The following PHF20L1 variants were observed in gnomAD, a reference collection of about 807,000 sequenced individuals.
The protein encoded by PHF20L1 is PHD finger protein 20 like 1, also known as PHD finger protein 20-like protein 1.
A neutral mutation model predicts 125.5 loss-of-function variants in PHF20L1; 44 were observed. The ratio of observed to expected loss-of-function variants is 0.35; its 90% CI spans 0.28 to 0.45. The LOEUF (loss-of-function observed/expected upper bound fraction) is 0.45, where lower values mean the gene tolerates loss of function less well. PHF20L1 is among the 20% of genes least tolerant of loss of function. The pLI is 1.00. For missense variants in PHF20L1, 1,012 were observed against 1,217.2 expected (o/e 0.83, Z 2.51); for synonymous variants, 380 against 403.1 (o/e 0.94, Z 0.69).
chr8:132,791,523 G>C (rs1199329769), intron 2 of PHF20L1, among the ~76,000 whole-genome samples: 1 of 152,066 alleles, frequency 6.6e-6, no homozygotes, highest in Non-Finnish European at 1.5e-5. Flanking sequence ...AAAGTGCTGG[G>C]ATTACAGGCA....
At chr8:132,805,224 T>C (rs1267770421) in intron 8 of PHF20L1, among the ~76,000 whole-genome samples, 3 of 152,024 alleles carry the variant, frequency 2.0e-5, no homozygotes, top group Admixed American at 6.6e-5. Flanking sequence ...AAAGTATTTC[T>C]ATAAGTTTTT....
intron 9 of PHF20L1, chr8:132,812,248 A>G (rs926419226): frequency 1.7e-5 from 17 of 983,124 alleles, no homozygotes; most frequent in East Asian, 1.1e-4. Flanking sequence ...TATTTTCACC[A>G]CTGTTTATGG....
At chr8:132,825,235 T>A (rs773069192) in intron 13 of PHF20L1, 29 bp from the exon 14 acceptor site, 1 of 1,592,776 alleles carries the variant, frequency 6.3e-7, no homozygotes, top group Non-Finnish European at 8.6e-7. Context: ...TCAGTCGTGA[T>A]TGCTAAAGTA....
intron 8 of PHF20L1, among the ~76,000 whole-genome samples, chr8:132,806,150 C>T (rs1315172647): frequency 6.6e-6 from 1 of 151,984 alleles, no homozygotes; most frequent in Non-Finnish European, 1.5e-5. Flanking sequence ...AGCTTTCCAG[C>T]ATCATGCTTT....
chr8:132,814,354 T>C (rs1834731561), intron 9 of PHF20L1, among the ~76,000 whole-genome samples: 1 of 151,942 alleles, frequency 6.6e-6, no homozygotes, highest in Non-Finnish European at 1.5e-5. Flanking sequence ...ACTGAAAATA[T>C]TTGTCCAGTA....
chr8:132,811,149 AT>A, intron 9 of PHF20L1, 21 bp downstream of exon 9: 1 of 1,611,592 alleles, frequency 6.2e-7, no homozygotes, highest in Non-Finnish European at 8.5e-7. Flanking sequence ...GTAGCATTTG[AT>A]TTTTTTCAAG....
At chr8:132,794,881 A>T in intron 4 of PHF20L1, 64 bp downstream of exon 4, 1 of 1,022,846 alleles carries the variant, frequency 9.8e-7, no homozygotes, top group Middle Eastern at 2.3e-4. Flanking sequence ...CTGTATTTTA[A>T]ATTTTAATTA....
rs1838546836 is a variant in PHF20L1 at position 132,848,144 on chromosome 8, T to C, written c.*2221T>C. The C allele has an allele frequency of 6.6e-6, 1 of 152,122 alleles. No individual in the cohort carries two copies. The highest frequency in any genetic ancestry group is 2.4e-5 in the African/African-American group (1 of 41,456). 9.4% of individuals were successfully genotyped at this position (152,122 alleles called of 1,614,324 possible). A position where few individuals can be genotyped will look rare whatever the true frequency, so the allele number is the denominator to read the frequency against. On this transcript the variant is annotated 3_prime_UTR_variant, in exon 21 of 21. Transcript: ENST00000395386. Reference sequence around the variant, plus strand: ...CGGTTAAATTCATGCACATTTGTTCTTGTAGTTTCTAAAAATTAGATCAAT... The same window carrying C: ...CGGTTAAATTCATGCACATTTGTTCCTGTAGTTTCTAAAAATTAGATCAAT...
intron 6 of PHF20L1, chr8:132,803,394 T>G (rs893050147): frequency 1.3e-4 from 21 of 155,928 alleles, no homozygotes; most frequent in Non-Finnish European, 8.5e-5. Context: ...TACACTATTT[T>G]TAATCTTTGT....
chr8:132,843,424 A>G, intron 19 of PHF20L1: 1 of 980,326 alleles, frequency 1.0e-6, no homozygotes, highest in Non-Finnish European at 1.2e-6. Context: ...TTTTCAATTA[A>G]TGAGGCCACT....
intron 2 of PHF20L1, among the ~76,000 whole-genome samples, chr8:132,793,859 T>C (rs1832070627): frequency 6.6e-6 from 1 of 152,190 alleles, no homozygotes; most frequent in African/African-American, 2.4e-5. Context: ...CTGATGTATT[T>C]TTTGCTAGAC....
At position 132,837,916 on chromosome 8, in the gene PHF20L1, T is replaced by A. The variant is rs969245164; in HGVS notation, c.2191+105T>A. 69 of 729,828 alleles carry A rather than the reference T, an allele frequency of 9.5e-5. No individual in the cohort carries two copies. The African/African-American group carries it at 1.1e-3, about 11-fold the overall frequency. 45.2% of individuals were successfully genotyped at this position (729,828 alleles called of 1,614,324 possible). Reference sequence around the variant, plus strand: ...ACCACCACTACAGCAAGTTCTCACATGATGTCATTGATAGGTTCTTGGAAA... The same window carrying A: ...ACCACCACTACAGCAAGTTCTCACAAGATGTCATTGATAGGTTCTTGGAAA... On this transcript the variant is annotated intron_variant, in intron 17 of 20. Transcript: ENST00000395386.
chr8:132,835,557 T>C (rs1360681282), intron 15 of PHF20L1, among the ~76,000 whole-genome samples: 1 of 152,146 alleles, frequency 6.6e-6, no homozygotes, highest in African/African-American at 2.4e-5. Flanking sequence ...GTCACTATTA[T>C]ACACACACGC....
intron 2 of PHF20L1, among the ~76,000 whole-genome samples, chr8:132,784,948 A>G (rs1362370264): frequency 1.3e-5 from 2 of 152,188 alleles, no homozygotes; most frequent in East Asian, 3.9e-4. Flanking sequence ...AAGTTTATCC[A>G]TCCTAGAGAG....
intron 18 of PHF20L1, 149 bp from the exon 19 acceptor site, chr8:132,842,366 A>G (rs1304735234): frequency 1.8e-6 from 1 of 552,516 alleles, no homozygotes; most frequent in Non-Finnish European, 3.0e-6. Flanking sequence ...GGATGAAATC[A>G]TGGAGGGAGT....
chr8:132,798,687 A>C, intron 4 of PHF20L1, 85 bp from the exon 5 acceptor site: 1 of 820,692 alleles, frequency 1.2e-6, no homozygotes, highest in Non-Finnish European at 2.0e-6. Flanking sequence ...GCATTTATCT[A>C]TACAAGTCAC....
intron 14 of PHF20L1, among the ~76,000 whole-genome samples, chr8:132,830,457 C>T (rs1172885485): frequency 6.6e-6 from 1 of 152,064 alleles, no homozygotes; most frequent in Non-Finnish European, 1.5e-5. Context: ...CCACAGCTGC[C>T]ACCTTCAAAT....
At chr8:132,810,136 C>T (rs1834209341) in intron 8 of PHF20L1, 1 of 151,596 alleles carries the variant, frequency 6.6e-6, no homozygotes. Context: ...CTTCTGCCTC[C>T]TGGGTCTAAG....
intron 6 of PHF20L1, among the ~76,000 whole-genome samples, chr8:132,801,766 A>G (rs1833077335): frequency 7.7e-6 from 1 of 129,592 alleles, no homozygotes; most frequent in Non-Finnish European, 1.7e-5. Context: ...ACAAAATAGA[A>G]CTCAACATAA....
Sources: gnomAD v4.1 joint callset for allele counts (sites outside exome capture counted in the v4.1 genomes callset) on GRCh38, gnomAD v4.1.1 for gene constraint, MANE v1.5 for transcripts, NCBI Gene and HGNC (gene_info 2026-07-23, HGNC 2026-07-21) for gene names.